GPC5: variants seen among roughly 807,000 people sequenced by gnomAD.
GPC5 encodes glypican-5.
GPC5 carries 47 observed loss-of-function variants against 53.9 expected under a neutral mutation model. The observed-to-expected ratio is 0.87, with a 90% CI of 0.69 to 1.11. GPC5 has a LOEUF of 1.11. Among genes scored for constraint, GPC5 ranks in the 50% most tolerant of loss-of-function variants. GPC5 has a pLI of 0.00. For missense variants in GPC5, 748 were observed against 713.1 expected (o/e 1.05, Z -0.56); for synonymous variants, 286 against 263.3 (o/e 1.09, Z -0.84).
intron 2 of GPC5, among the ~76,000 whole-genome samples, chr13:91,581,400 G>C (rs1403166316): frequency 6.6e-6 from 1 of 152,130 alleles, no homozygotes; most frequent in Non-Finnish European, 1.5e-5. Context: ...TTTGTTTTCA[G>C]TTTTAATCTG....
At chr13:91,425,585 A>G (rs1055469692) in intron 1 of GPC5, among the ~76,000 whole-genome samples, 2 of 152,102 alleles carry the variant, frequency 1.3e-5, no homozygotes, top group African/African-American at 4.8e-5. Flanking sequence ...CCCTTCTGCC[A>G]TGATTGTAAG....
chr13:91,488,305 C>T (rs372983803), intron 2 of GPC5, among the ~76,000 whole-genome samples: 8 of 152,130 alleles, frequency 5.3e-5, no homozygotes, highest in Non-Finnish European at 8.8e-5. Flanking sequence ...TAAACTAACC[C>T]GCTTGTAAGT....
At chr13:91,593,077 A>G (rs1740454247) in intron 2 of GPC5, among the ~76,000 whole-genome samples, 2 of 152,178 alleles carry the variant, frequency 1.3e-5, no homozygotes, top group Admixed American at 1.3e-4. Context: ...ACATCAGCCT[A>G]GATGTCCATG....
chr13:91,450,601 C>A (rs1306371188), intron 2 of GPC5, among the ~76,000 whole-genome samples: 1 of 152,102 alleles, frequency 6.6e-6, no homozygotes, highest in Non-Finnish European at 1.5e-5. Context: ...TTAGTGATAA[C>A]CATCTCAGTA....
At chr13:92,190,560 AT>A (rs200168445) in intron 7 of GPC5, among the ~76,000 whole-genome samples, 2,909 of 152,260 alleles carry the variant, frequency 0.019, 80 homozygotes, top group African/African-American at 0.065. Flanking sequence ...ACGAATGATA[AT>A]GATACAAGAG....
chr13:92,640,918 G>A (rs937045938), intron 7 of GPC5, among the ~76,000 whole-genome samples: 4 of 143,720 alleles, frequency 2.8e-5, no homozygotes, highest in Non-Finnish European at 6.0e-5. Context: ...AGGGGAAATA[G>A]AACGTTACTT....
At chr13:91,473,520 C>A (rs1000444216) in intron 2 of GPC5, among the ~76,000 whole-genome samples, 1 of 152,090 alleles carries the variant, frequency 6.6e-6, no homozygotes, top group Non-Finnish European at 1.5e-5. Flanking sequence ...TGTTTAATTT[C>A]CATATATCTG....
intron 6 of GPC5, among the ~76,000 whole-genome samples, chr13:92,130,917 AT>A (rs970203171): frequency 4.0e-5 from 6 of 151,892 alleles, no homozygotes; most frequent in Non-Finnish European, 8.8e-5. Flanking sequence ...TATTCTAAAA[AT>A]GGCAAAAAAT....
chr13:92,105,482 G>A (rs2041502797), intron 6 of GPC5, among the ~76,000 whole-genome samples: 1 of 151,926 alleles, frequency 6.6e-6, no homozygotes, highest in African/African-American at 2.4e-5. Context: ...TTCAACTTTT[G>A]TTTAAAATAG....
chr13:91,572,403 AG>A (rs1328001925), intron 2 of GPC5, among the ~76,000 whole-genome samples: 1 of 151,920 alleles, frequency 6.6e-6, no homozygotes, highest in East Asian at 1.9e-4. Context: ...TGATCTATAA[AG>A]AAAAAAGGTT....
chr13:92,588,328 A>G (rs551877556), intron 7 of GPC5, among the ~76,000 whole-genome samples: 15 of 152,282 alleles, frequency 9.9e-5, no homozygotes, highest in African/African-American at 3.1e-4. Flanking sequence ...TCTATCATTG[A>G]TGGGATACCC....
intron 2 of GPC5, among the ~76,000 whole-genome samples, chr13:91,504,460 T>C (rs528649424): frequency 6.6e-6 from 1 of 152,208 alleles, no homozygotes; most frequent in South Asian, 2.1e-4. Context: ...TATTAATTTC[T>C]AATATAAAGC....
At chr13:91,616,691 GA>G (rs899891315) in intron 2 of GPC5, among the ~76,000 whole-genome samples, 7 of 151,306 alleles carry the variant, frequency 4.6e-5, no homozygotes, top group South Asian at 2.1e-4. Flanking sequence ...TAAAAGCACT[GA>G]AAAAAAAGAT....
chr13:92,586,426 G>T (rs182484601), intron 7 of GPC5, among the ~76,000 whole-genome samples: 3 of 152,340 alleles, frequency 2.0e-5, no homozygotes, highest in African/African-American at 7.2e-5. Flanking sequence ...GTCCAGTAAA[G>T]CAGGCTGCAT....
At chr13:92,301,855 G>T (rs544740476) in intron 7 of GPC5, among the ~76,000 whole-genome samples, 1 of 152,200 alleles carries the variant, frequency 6.6e-6, no homozygotes, top group African/African-American at 2.4e-5. Context: ...ACGAGATCGT[G>T]CCACTGCACT....
intron 2 of GPC5, among the ~76,000 whole-genome samples, chr13:91,518,538 A>T (rs1051397036): frequency 6.6e-6 from 1 of 152,212 alleles, no homozygotes; most frequent in African/African-American, 2.4e-5. Context: ...CATGTACTAG[A>T]TGGAGAATTT....
chr13:92,801,294 A>G (rs897360351), intron 7 of GPC5, among the ~76,000 whole-genome samples: 2 of 151,770 alleles, frequency 1.3e-5, no homozygotes, highest in African/African-American at 4.8e-5. Context: ...GACTGGTTCC[A>G]TGAGATTTTA....
At chr13:91,464,294 C>A (rs1882105474) in intron 2 of GPC5, among the ~76,000 whole-genome samples, 1 of 152,076 alleles carries the variant, frequency 6.6e-6, no homozygotes, top group Non-Finnish European at 1.5e-5. Context: ...TATAAAATGG[C>A]ACAGTCTGGA....
intron 7 of GPC5, among the ~76,000 whole-genome samples, chr13:92,199,689 G>A (rs188861632): frequency 2.4e-4 from 37 of 152,182 alleles, no homozygotes; most frequent in African/African-American, 8.7e-4. Context: ...TATTAGAATT[G>A]GATCTATCCT....
Sources: gnomAD v4.1 joint callset for allele counts (sites outside exome capture counted in the v4.1 genomes callset) on GRCh38, gnomAD v4.1.1 for gene constraint, MANE v1.5 for transcripts, NCBI Gene and HGNC (gene_info 2026-07-23, HGNC 2026-07-21) for gene names.